CRYL1: variants seen among roughly 807,000 people sequenced by gnomAD.
CRYL1 encodes the protein lambda-crystallin homolog.
A neutral mutation model predicts 36.6 loss-of-function variants in CRYL1; 29 were observed. That is an observed-to-expected ratio of 0.79 (90% CI 0.59 to 1.08). CRYL1 has a LOEUF of 1.08. Ranked by LOEUF, CRYL1 falls within the 50% of genes least tolerant of loss-of-function variation. CRYL1 has a pLI of 0.00. For missense variants in CRYL1, 411 were observed against 407.9 expected (o/e 1.01, Z -0.06); for synonymous variants, 152 against 151.5 (o/e 1.00, Z -0.02).
chr13:20,405,142 G>A (rs2031332363), intron 6 of CRYL1, among the ~76,000 whole-genome samples: 1 of 152,134 alleles, frequency 6.6e-6, no homozygotes, highest in Admixed American at 6.5e-5. Context: ...GGCGTGGCAG[G>A]TGCCTGTAAT....
chr13:20,517,114 T>C (rs2034013667), intron 1 of CRYL1, among the ~76,000 whole-genome samples: 1 of 152,098 alleles, frequency 6.6e-6, no homozygotes, highest in Non-Finnish European at 1.5e-5. Flanking sequence ...CAAAGTCAAC[T>C]TTCTCAATAC....
intron 5 of CRYL1, among the ~76,000 whole-genome samples, chr13:20,429,914 A>G (rs1314374057): frequency 6.6e-6 from 1 of 151,448 alleles, no homozygotes; most frequent in South Asian, 2.1e-4. Flanking sequence ...GCTGGTTGTG[A>G]CCTTGCTCCT....
intron 3 of CRYL1, among the ~76,000 whole-genome samples, chr13:20,465,109 G>A (rs2137436854): frequency 6.6e-6 from 1 of 152,310 alleles, no homozygotes; most frequent in Admixed American, 6.5e-5. Flanking sequence ...AATTTCTTTA[G>A]CAGTCCTGTA....
At chr13:20,413,460 A>C in intron 5 of CRYL1, 73 bp from the exon 6 acceptor site, 1 of 925,696 alleles carries the variant, frequency 1.1e-6, no homozygotes, top group Non-Finnish European at 1.7e-6. Flanking sequence ...TTCCATCCTA[A>C]CTTCTTTAGA....
chr13:20,477,971 T>TTATA (rs10683682), intron 3 of CRYL1, among the ~76,000 whole-genome samples: 100 of 113,984 alleles, frequency 8.8e-4, no homozygotes, highest in African/African-American at 2.2e-3. Flanking sequence ...TATTACGTAG[T>TTATA]TATATATATA....
In CRYL1 at chr13:20,432,101, C is replaced by A; in HGVS notation, c.633+1G>T. On this transcript the variant is annotated splice_donor_variant, in intron 5 of 7. Coordinates refer to ENST00000298248, the MANE Select transcript of CRYL1 (RefSeq NM_015974.3). LOFTEE classifies it high-confidence loss of function. ...GAGGGAGAGAGGACGGGCACACACA[C>A]CTCCACTAGCCGCCAGGCCTCGCTG... 7 of 1,614,126 alleles carry A rather than the reference C, an allele frequency of 4.3e-6. No homozygotes were observed. The highest frequency in any genetic ancestry group is 5.9e-6 in the Non-Finnish European group (7 of 1,180,018).
In CRYL1 at chr13:20,404,140, G is replaced by A. The variant is rs2031300037; in HGVS notation, c.949C>T (p.Gln317Ter). Residue 317 changes from glutamine to a stop codon, truncating the protein, a stop_gained, in exon 8 of 8, where the codon CAG becomes TAG. Coordinates refer to ENST00000298248, the MANE Select transcript of CRYL1 (RefSeq NM_015974.3). LOFTEE classifies it high-confidence loss of function. ...MRLAKLKSQV[Q>*]PQ ...GCATTACAAGAAATTCACTGGGGCT[G>A]CACTTGACTCTTCAACTTGGCGAGT... 7 of 1,612,156 alleles carry A rather than the reference G, an allele frequency of 4.3e-6. No individual in the cohort carries two copies. The highest frequency in any genetic ancestry group is 5.9e-6 in the Non-Finnish European group (7 of 1,178,286).
chr13:20,410,949 T>C (rs1469952066), intron 6 of CRYL1, among the ~76,000 whole-genome samples: 8 of 152,202 alleles, frequency 5.3e-5, no homozygotes, highest in Non-Finnish European at 1.2e-4. Flanking sequence ...AGGGGTGTTG[T>C]TTGTAAAAGG....
chr13:20,498,273 C>A (rs1214452301), intron 2 of CRYL1, among the ~76,000 whole-genome samples: 1 of 151,612 alleles, frequency 6.6e-6, no homozygotes, highest in Non-Finnish European at 1.5e-5. Context: ...CCCATATACA[C>A]ACTACACACA....
At chr13:20,500,133 A>C (rs1387106127) in intron 2 of CRYL1, among the ~76,000 whole-genome samples, 1 of 152,258 alleles carries the variant, frequency 6.6e-6, no homozygotes, top group Non-Finnish European at 1.5e-5. Flanking sequence ...AGTTGTCTGC[A>C]TGGACGGAAC....
intron 3 of CRYL1, among the ~76,000 whole-genome samples, chr13:20,468,579 T>C (rs1430615030): frequency 2.6e-5 from 4 of 152,200 alleles, no homozygotes; most frequent in Non-Finnish European, 5.9e-5. Flanking sequence ...GAGACACTGA[T>C]ATCACCTTCT....
At chr13:20,511,953 C>G (rs1190683284) in intron 2 of CRYL1, among the ~76,000 whole-genome samples, 1 of 152,252 alleles carries the variant, frequency 6.6e-6, no homozygotes, top group African/African-American at 2.4e-5. Context: ...ACATAAACAG[C>G]TCCAGTTCTG....
In CRYL1 at chr13:20,454,340, A is replaced by T. The variant is rs1428348728; in HGVS notation, c.277-14586T>A. 2.6e-5 allele frequency among the ~76,000 whole-genome samples: 4 copies of T among 152,274 alleles called. No homozygotes were observed. The East Asian group carries it at 7.7e-4, about 29-fold the overall frequency. On this transcript the variant is annotated intron_variant, in intron 3 of 7. Transcript: ENST00000298248. The stretch of plus-strand genomic sequence containing the variant: ...TGTCATTCATGATATAAACAGATTT[A>T]AAAAGAACAATTATGTGATCATCCC...
At chr13:20,406,728 G>A (rs2031386519) in intron 6 of CRYL1, among the ~76,000 whole-genome samples, 1 of 151,906 alleles carries the variant, frequency 6.6e-6, no homozygotes, top group Admixed American at 6.6e-5. Context: ...TTCCTTTTGG[G>A]GTGGGGGAGG....
chr13:20,495,618 T>C (rs1421483499), intron 2 of CRYL1, among the ~76,000 whole-genome samples: 2 of 152,156 alleles, frequency 1.3e-5, no homozygotes, highest in Admixed American at 6.5e-5. Flanking sequence ...CACCATATGA[T>C]CCAGGAACCC....
At chr13:20,430,695 T>G (rs953957) in intron 5 of CRYL1, 456,353 of 984,680 alleles carry the variant, frequency 0.46, 108,107 homozygotes, top group East Asian at 0.6. Flanking sequence ...ACACCTTTCA[T>G]ATTGGAGAAA....
At chr13:20,461,800 AG>A (rs2032824764) in intron 3 of CRYL1, among the ~76,000 whole-genome samples, 1 of 151,932 alleles carries the variant, frequency 6.6e-6, no homozygotes, top group Non-Finnish European at 1.5e-5. Flanking sequence ...TAAGGTGAAC[AG>A]AATGTCTCCT....
At chr13:20,436,521 C>T (rs376004710) in intron 4 of CRYL1, among the ~76,000 whole-genome samples, 2 of 152,148 alleles carry the variant, frequency 1.3e-5, no homozygotes, top group African/African-American at 4.8e-5. Flanking sequence ...GGAAACAGCA[C>T]AAAAGACACT....
intron 5 of CRYL1, among the ~76,000 whole-genome samples, chr13:20,428,861 C>A (rs2031991632): frequency 6.6e-6 from 1 of 152,306 alleles, no homozygotes; most frequent in South Asian, 2.1e-4. Flanking sequence ...CCAGCAGGCT[C>A]CCTCAGCGCC....
Sources: allele counts gnomAD v4.1 joint callset (sites outside exome capture counted in the v4.1 genomes callset), GRCh38; gene constraint gnomAD v4.1.1; transcripts MANE v1.5; gene names NCBI Gene and HGNC (gene_info 2026-07-23, HGNC 2026-07-21).